Variants in CBFA2T2 observed in about 807,000 individuals in gnomAD.
CBFA2T2 encodes CBFA2/RUNX1 partner transcriptional co-repressor 2.
Under a neutral mutation model 62.2 loss-of-function variants are expected in CBFA2T2, and 11 were observed. That is an observed-to-expected ratio of 0.18 (90% confidence interval 0.11 to 0.29). The LOEUF (loss-of-function observed/expected upper bound fraction) is 0.29, where lower values mean the gene tolerates loss of function less well. CBFA2T2 is among the 10% of genes least tolerant of loss of function. The pLI, the probability that CBFA2T2 is intolerant of heterozygous loss-of-function variation, is 1.00. For missense variants in CBFA2T2, 592 were observed against 774.1 expected, an observed-to-expected ratio of 0.76 and a Z score of 2.79; for synonymous variants, 295 against 287.5, an observed-to-expected ratio of 1.03 and a Z score of -0.27.
intron 2 of CBFA2T2, among the ~76,000 whole-genome samples, chr20:33,610,435 G>A (rs991715224): frequency 9.2e-5 from 14 of 152,228 alleles, no homozygotes; most frequent in Non-Finnish European, 7.3e-5. Flanking sequence ...GAGCAAAAAT[G>A]TAGGATGGGA....
At chr20:33,526,686 G>C (rs2011896570) in intron 1 of CBFA2T2, among the ~76,000 whole-genome samples, 1 of 151,924 alleles carries the variant, frequency 6.6e-6, no homozygotes, top group African/African-American at 2.4e-5. Flanking sequence ...GATACTGACA[G>C]GTTATTGTGG....
intron 1 of CBFA2T2, among the ~76,000 whole-genome samples, chr20:33,595,127 G>A (rs931855950): frequency 1.3e-5 from 2 of 152,330 alleles, no homozygotes; most frequent in South Asian, 2.1e-4. Flanking sequence ...GAAATAATTA[G>A]CATTGGAAGA....
intron 1 of CBFA2T2, 59 bp downstream of exon 1, chr20:33,490,360 A>G: frequency 1.6e-6 from 2 of 1,245,948 alleles, no homozygotes; most frequent in Non-Finnish European, 2.0e-6. Context: ...GCGGCTCCGC[A>G]GGCGCGGTGA....
At chr20:33,578,230 T>C (rs926603460) in intron 1 of CBFA2T2, among the ~76,000 whole-genome samples, 1 of 152,206 alleles carries the variant, frequency 6.6e-6, no homozygotes, top group African/African-American at 2.4e-5. Context: ...ACCTCTAAAA[T>C]TTTTTCTAGG....
At chr20:33,499,982 T>A (rs1007588123) in intron 1 of CBFA2T2, among the ~76,000 whole-genome samples, 5 of 152,102 alleles carry the variant, frequency 3.3e-5, no homozygotes, top group African/African-American at 1.2e-4. Flanking sequence ...TTATTTTTTT[T>A]AAAGACAGTC....
At chr20:33,549,935 C>T (rs1164065103) in intron 1 of CBFA2T2, among the ~76,000 whole-genome samples, 1 of 146,638 alleles carries the variant, frequency 6.8e-6, no homozygotes, top group African/African-American at 2.5e-5. Flanking sequence ...AGAACACTGG[C>T]AGTTGGGGTT....
At chr20:33,567,073 A>G (rs1308757137) in intron 1 of CBFA2T2, among the ~76,000 whole-genome samples, 1 of 152,222 alleles carries the variant, frequency 6.6e-6, no homozygotes, top group Non-Finnish European at 1.5e-5. Flanking sequence ...CAGAAAAACA[A>G]CATATTATAA....
rs559595942 is a variant in CBFA2T2 at position 33,559,313 on chromosome 20, A to G, written c.35-47643A>G. 3.3e-5 allele frequency among the ~76,000 whole-genome samples: 5 copies of G among 151,516 alleles called. No homozygotes were observed. The South Asian group carries it at 8.3e-4, about 25-fold the overall frequency. On this transcript the variant is annotated intron_variant, in intron 1 of 10. Coordinates refer to ENST00000342704, the MANE Select transcript of CBFA2T2 (RefSeq NM_001032999.3). ...CTCAGACTCCTGAGTAGCTGGAACT[A>G]TAGGCATGTGCCAGCATGCCTGGCT... is the stretch of plus-strand genomic sequence containing the variant.
intron 1 of CBFA2T2, among the ~76,000 whole-genome samples, chr20:33,604,296 T>C (rs530728589): frequency 1.3e-5 from 2 of 152,354 alleles, no homozygotes; most frequent in Admixed American, 1.3e-4. Flanking sequence ...TACCTTGCAG[T>C]GATTTAGGCA....
chr20:33,616,100 GATA>G (rs1450085166), intron 3 of CBFA2T2, among the ~76,000 whole-genome samples: 2 of 151,508 alleles, frequency 1.3e-5, no homozygotes, highest in African/African-American at 2.4e-5. Flanking sequence ...TAGATAGATA[GATA>G]GATAGATAGA....
chr20:33,497,583 CT>C, intron 1 of CBFA2T2, among the ~76,000 whole-genome samples: 1 of 136,286 alleles, frequency 7.3e-6, no homozygotes, highest in African/African-American at 2.9e-5. Context: ...AGGGGTCTCA[CT>C]CTGTCGCTAG....
intron 1 of CBFA2T2, among the ~76,000 whole-genome samples, chr20:33,513,383 G>C (rs886780431): frequency 6.7e-6 from 1 of 149,126 alleles, no homozygotes; most frequent in Non-Finnish European, 1.5e-5. Flanking sequence ...TTTTGAGATA[G>C]AGTCTCACTC....
chr20:33,593,473 A>C (rs1222231273), intron 1 of CBFA2T2, among the ~76,000 whole-genome samples: 3 of 141,174 alleles, frequency 2.1e-5, no homozygotes, highest in Non-Finnish European at 4.5e-5. Flanking sequence ...GCTCACTGCA[A>C]CCTTCGCCTC....
chr20:33,583,168 T>G (rs2014197350), intron 1 of CBFA2T2, among the ~76,000 whole-genome samples: 1 of 152,242 alleles, frequency 6.6e-6, no homozygotes. Flanking sequence ...GAATGTGCAT[T>G]GTTTTTATTA....
chr20:33,495,629 T>C (rs967485270), intron 1 of CBFA2T2, among the ~76,000 whole-genome samples: 9 of 148,760 alleles, frequency 6.1e-5, no homozygotes, highest in African/African-American at 1.0e-4. Flanking sequence ...CTGCGGAGGT[T>C]GCAGTGTGCT....
chr20:33,527,614 C>G (rs963736741), intron 1 of CBFA2T2, among the ~76,000 whole-genome samples: 1 of 152,106 alleles, frequency 6.6e-6, no homozygotes, highest in East Asian at 1.9e-4. Flanking sequence ...CTCAGATGAT[C>G]TGCATGTCTC....
chr20:33,508,362 T>C (rs745994866), intron 1 of CBFA2T2, among the ~76,000 whole-genome samples: 4 of 152,188 alleles, frequency 2.6e-5, no homozygotes, highest in Non-Finnish European at 5.9e-5. Flanking sequence ...GCCAAAGTGC[T>C]GGGAGAACAG....
intron 1 of CBFA2T2, among the ~76,000 whole-genome samples, chr20:33,570,331 G>C (rs1002909818): frequency 3.3e-5 from 5 of 152,152 alleles, no homozygotes; most frequent in Admixed American, 6.5e-5. Context: ...GCCCCTGGCA[G>C]CCAACATTTT....
At chr20:33,613,952 C>T (rs555607144) in intron 3 of CBFA2T2, among the ~76,000 whole-genome samples, 1 of 151,844 alleles carries the variant, frequency 6.6e-6, no homozygotes, top group East Asian at 1.9e-4. Flanking sequence ...AATTCATTTG[C>T]GGCGGGCGGA....
Sources: gnomAD v4.1 joint callset for allele counts (sites outside exome capture counted in the v4.1 genomes callset) on GRCh38, gnomAD v4.1.1 for gene constraint, MANE v1.5 for transcripts, NCBI Gene and HGNC (gene_info 2026-07-23, HGNC 2026-07-21) for gene names.